The following NPFFR1 variants were observed in gnomAD, a reference collection of about 807,000 sequenced individuals.
NPFFR1 encodes the protein G-protein coupled receptor 147.
A neutral mutation model predicts 12.7 loss-of-function variants in NPFFR1; 17 were observed. The ratio of observed to expected loss-of-function variants is 1.34; its 90% confidence interval spans 0.92 to 2.01. NPFFR1 has a LOEUF of 2.01. NPFFR1 is among the 30% of genes most tolerant of loss of function. The pLI is 0.00. For missense variants in NPFFR1, 604 were observed against 606.5 expected (o/e 1.00, Z 0.04); for synonymous variants, 296 against 264.5 (o/e 1.12, Z -1.16).
chr10:70,282,334 C>T (rs1188116645), intron 1 of NPFFR1, among the ~76,000 whole-genome samples: 1 of 152,134 alleles, frequency 6.6e-6, no homozygotes, highest in East Asian at 1.9e-4. Context: ...ACTTTGAAAG[C>T]TTTTTGCTCT....
At chr10:70,283,102 G>A (rs747700596) in intron 1 of NPFFR1, among the ~76,000 whole-genome samples, 11 of 148,458 alleles carry the variant, frequency 7.4e-5, no homozygotes, top group Non-Finnish European at 1.0e-4. Flanking sequence ...GATTGTGTGC[G>A]TGCACACACA....
chr10:70,277,120 T>C (rs1360472206), intron 1 of NPFFR1, among the ~76,000 whole-genome samples: 2 of 152,366 alleles, frequency 1.3e-5, no homozygotes, highest in East Asian at 3.9e-4. Flanking sequence ...AGACAGATCA[T>C]GGTCCCAATG....
intron 1 of NPFFR1, among the ~76,000 whole-genome samples, chr10:70,269,889 C>T (rs980730905): frequency 1.3e-5 from 2 of 152,186 alleles, no homozygotes; most frequent in African/African-American, 2.4e-5. Flanking sequence ...CCCCTTTGCC[C>T]ATTATGCTCT....
intron 1 of NPFFR1, among the ~76,000 whole-genome samples, chr10:70,272,921 T>C (rs1840764732): frequency 6.6e-6 from 1 of 152,254 alleles, no homozygotes; most frequent in South Asian, 2.1e-4. Context: ...TATAAGTCTG[T>C]ACTCTGTATA....
intron 1 of NPFFR1, among the ~76,000 whole-genome samples, chr10:70,273,247 C>A (rs1840768089): frequency 6.6e-6 from 1 of 151,980 alleles, no homozygotes; most frequent in Non-Finnish European, 1.5e-5. Context: ...TGGTATTTTT[C>A]AAAAAACTCC....
rs1187745088 is a variant in NPFFR1 at position 70,248,780 on chromosome 10, C to T, written c.*6177G>A. On this transcript the variant is annotated 3_prime_UTR_variant, in exon 4 of 4. Coordinates refer to ENST00000277942, the MANE Select transcript of NPFFR1 (RefSeq NM_022146.5). ...GGATTACAGGCATGAGCCCCCATGC[C>T]TGGCCTATGCCTGGCTTTTAATAGA... 6 of 151,530 alleles carry T rather than the reference C, an allele frequency of 4.0e-5. No homozygotes were observed. In the East Asian group the frequency reaches 1.2e-3, roughly 30 times the overall value. The allele number at this position is 151,530 out of a possible 1,614,324, so 9.4% of individuals were successfully genotyped here. A position where few individuals can be genotyped will look rare whatever the true frequency, so the allele number is the denominator to read the frequency against.
At chr10:70,269,950 C>T (rs149046804) in intron 1 of NPFFR1, among the ~76,000 whole-genome samples, 1 of 152,296 alleles carries the variant, frequency 6.6e-6, no homozygotes, top group East Asian at 1.9e-4. Flanking sequence ...TTCTTCCAAC[C>T]CCAGGGCCTT....
intron 1 of NPFFR1, among the ~76,000 whole-genome samples, chr10:70,280,381 A>G (rs1202202569): frequency 2.0e-5 from 3 of 152,192 alleles, no homozygotes; most frequent in African/African-American, 7.2e-5. Flanking sequence ...CCACATCTCC[A>G]ACAACACTTA....
intron 1 of NPFFR1, among the ~76,000 whole-genome samples, chr10:70,280,287 TTGAGGAAC>T (rs1349640298): frequency 2.6e-5 from 4 of 152,246 alleles, no homozygotes; most frequent in Non-Finnish European, 5.9e-5. Context: ...TTTTAGCTTT[TTGAGGAAC>T]CTCCATACTA....
In NPFFR1 at chr10:70,248,000, T is replaced by C. The variant is rs1265120199; in HGVS notation, c.*6957A>G. The stretch of plus-strand genomic sequence containing the variant: ...TTGAAAGTGATGCAAATGTGTCTCA[T>C]GGCCAAAACAGCAGCCTGGAGCCTG... On this transcript the variant is annotated 3_prime_UTR_variant, in exon 4 of 4. Coordinates refer to ENST00000277942, the MANE Select transcript of NPFFR1 (RefSeq NM_022146.5). 1 of 152,234 alleles carries C rather than the reference T, an allele frequency of 6.6e-6. No homozygotes were observed. Among genetic ancestry groups the C allele is most frequent in the Non-Finnish European group, 1.5e-5 (1 of 68,038 alleles). The allele number at this position is 152,234 out of a possible 1,614,324, so 9.4% of individuals were successfully genotyped here.
chr10:70,269,930 G>A (rs1263223683), intron 1 of NPFFR1, among the ~76,000 whole-genome samples: 4 of 152,088 alleles, frequency 2.6e-5, no homozygotes, highest in African/African-American at 4.8e-5. Context: ...AGCTCCTCAC[G>A]CACTCCTGCT....
intron 1 of NPFFR1, among the ~76,000 whole-genome samples, chr10:70,278,718 T>C (rs1214128848): frequency 6.6e-6 from 1 of 152,192 alleles, no homozygotes; most frequent in Non-Finnish European, 1.5e-5. Flanking sequence ...TGAACTTTCG[T>C]ATTCATCATT....
In NPFFR1 at chr10:70,251,897, G is replaced by A. The variant is rs1296429853; in HGVS notation, c.*3060C>T. The A allele has an allele frequency of 6.6e-6, 1 of 152,252 alleles. No homozygotes were observed. Among genetic ancestry groups the A allele is most frequent in the Non-Finnish European group, 1.5e-5 (1 of 68,060 alleles). 9.4% of individuals were successfully genotyped at this position (152,252 alleles called of 1,614,324 possible). ...ATTTTCTAGCCACTCTAGTCAGGAAGTAAAGCCCAGCAGAAGCCCAGAGCA... is the reference window on the plus strand; with the variant it reads ...ATTTTCTAGCCACTCTAGTCAGGAAATAAAGCCCAGCAGAAGCCCAGAGCA... On this transcript the variant is annotated 3_prime_UTR_variant, in exon 4 of 4. Coordinates refer to ENST00000277942, the MANE Select transcript of NPFFR1 (RefSeq NM_022146.5).
At chr10:70,261,261 C>T (rs1840630598) in intron 2 of NPFFR1, among the ~76,000 whole-genome samples, 1 of 152,156 alleles carries the variant, frequency 6.6e-6, no homozygotes, top group African/African-American at 2.4e-5. Flanking sequence ...TCCCTTCACT[C>T]CGTTCTCATT....
chr10:70,250,406 T>G lies in NPFFR1; in HGVS notation c.*4551A>C, dbSNP rs1319126849. On this transcript the variant is annotated 3_prime_UTR_variant, in exon 4 of 4. Transcript: ENST00000277942. ...ATCCTAGGTATCTACCCAAGAAAAA[T>G]GGAAAACATACATACACATACATAT... The G allele has an allele frequency of 6.6e-6, 1 of 152,028 alleles. No homozygotes were observed. Among genetic ancestry groups the G allele is most frequent in the Non-Finnish European group, 1.5e-5 (1 of 68,020 alleles). The allele number at this position is 152,028 out of a possible 1,614,324, so 9.4% of individuals were successfully genotyped here. A position where few individuals can be genotyped will look rare whatever the true frequency, so the allele number is the denominator to read the frequency against.
chr10:70,276,430 G>A (rs1234470171), intron 1 of NPFFR1, among the ~76,000 whole-genome samples: 1 of 152,096 alleles, frequency 6.6e-6, no homozygotes, highest in Non-Finnish European at 1.5e-5. Context: ...TCATAACAAA[G>A]CGCTGTGTCT....
In NPFFR1 at chr10:70,268,135, A is replaced by G. The variant is rs182039865; in HGVS notation, c.8-1744T>C. ...TATACATCATCTGCTTTCAACAGTTATCAACTCGAGGCCTGGAGTTGTTTC... is the reference window on the plus strand; with the variant it reads ...TATACATCATCTGCTTTCAACAGTTGTCAACTCGAGGCCTGGAGTTGTTTC... On this transcript the variant is annotated intron_variant, in intron 1 of 3. Transcript: ENST00000277942. Among the ~76,000 whole-genome samples the G allele has an allele frequency of 1.6e-3, 237 of 152,320 alleles. 4 individuals are homozygous for G. The highest frequency in any genetic ancestry group is 5.1e-4 in the Non-Finnish European group (35 of 68,012).
At position 70,259,156 on chromosome 10, in the gene NPFFR1, C is replaced by T. The variant is rs891710472; in HGVS notation, c.422+1484G>A. 6.6e-5 allele frequency among the ~76,000 whole-genome samples: 10 copies of T among 151,868 alleles called. No individual in the cohort carries two copies. The East Asian group carries it at 1.5e-3, about 23-fold the overall frequency. On this transcript the variant is annotated intron_variant, in intron 3 of 3. Coordinates refer to ENST00000277942, the MANE Select transcript of NPFFR1 (RefSeq NM_022146.5). Reference sequence around the variant, plus strand: ...CAAAAATTAGCCATGCATGGTGGTGCGCACCTGCAATCCCAGCTACTCCGG... The same window carrying T: ...CAAAAATTAGCCATGCATGGTGGTGTGCACCTGCAATCCCAGCTACTCCGG...
At chr10:70,274,592 T>G (rs889682497) in intron 1 of NPFFR1, among the ~76,000 whole-genome samples, 1 of 152,166 alleles carries the variant, frequency 6.6e-6, no homozygotes, top group East Asian at 1.9e-4. Context: ...AGACTGATGA[T>G]AGTAGACCCT....
Sources: gnomAD v4.1 joint callset for allele counts (sites outside exome capture counted in the v4.1 genomes callset) on GRCh38, gnomAD v4.1.1 for gene constraint, MANE v1.5 for transcripts, NCBI Gene and HGNC (gene_info 2026-07-23, HGNC 2026-07-21) for gene names.